The following SIN3A variants were observed in gnomAD, a reference collection of about 807,000 sequenced individuals.
The protein encoded by SIN3A is SIN3 transcription regulator family member A, also known as paired amphipathic helix protein Sin3a.
In SIN3A, 14 loss-of-function variants were observed where a neutral mutation model predicts 146.1. The observed-to-expected ratio is 0.10, with a 90% CI of 0.06 to 0.15. SIN3A has a LOEUF of 0.15. SIN3A is among the 10% of genes least tolerant of loss of function. The pLI is 1.00. For synonymous variants in SIN3A, 572 were observed against 572.0 expected (o/e 1.00, Z 0.00); for missense variants, 1,028 against 1,576.0 (o/e 0.65, Z 5.89).
At chr15:75,381,837 T>C in intron 17 of SIN3A, 132 bp from the exon 18 acceptor site, 1 of 728,220 alleles carries the variant, frequency 1.4e-6, no homozygotes, top group Non-Finnish European at 2.3e-6. Flanking sequence ...AGGAAGATAC[T>C]AGATCTTGGG....
chr15:75,413,928 T>C (rs1383265572), intron 4 of SIN3A, among the ~76,000 whole-genome samples: 1 of 152,128 alleles, frequency 6.6e-6, no homozygotes, highest in African/African-American at 2.4e-5. Context: ...CTAAACCAAT[T>C]CAGAAACCAA....
At chr15:75,437,444 G>C (rs977734729) in intron 1 of SIN3A, among the ~76,000 whole-genome samples, 1 of 152,188 alleles carries the variant, frequency 6.6e-6, no homozygotes, top group East Asian at 1.9e-4. Flanking sequence ...TGAGATTATA[G>C]GCATGAGCCA....
At chr15:75,398,948 G>A (rs930259743) in intron 12 of SIN3A, among the ~76,000 whole-genome samples, 1 of 151,250 alleles carries the variant, frequency 6.6e-6, no homozygotes, top group African/African-American at 2.4e-5. Flanking sequence ...ATGATGAGTT[G>A]ATAGGTGCAG....
At chr15:75,431,058 G>A (rs1030737184) in intron 1 of SIN3A, among the ~76,000 whole-genome samples, 3 of 152,142 alleles carry the variant, frequency 2.0e-5, no homozygotes, top group African/African-American at 7.2e-5. Flanking sequence ...TTACAGGCGT[G>A]AGCCACCGCG....
chr15:75,396,315 T>C lies in SIN3A; in HGVS notation c.2036A>G (p.Asp679Gly). 6.2e-7 allele frequency: 1 copy of C among 1,614,202 alleles called. No homozygotes were observed. Among genetic ancestry groups the C allele is most frequent in the Non-Finnish European group, 8.5e-7 (1 of 1,180,018 alleles). The change falls in exon 13 of 21, where the codon GAC becomes GGC. Residue 679 changes from aspartate (D) to glycine (G), a missense_variant. Coordinates refer to ENST00000394947, the MANE Select transcript of SIN3A (RefSeq NM_001145358.2). Reference sequence around the variant, plus strand: ...ATTCTTTCTCAGACCATCAATGATGTCAGCTGCTTTATCAGCATATATCCT... The same window carrying C: ...ATTCTTTCTCAGACCATCAATGATGCCAGCTGCTTTATCAGCATATATCCT... ...LQRIYADKAADIIDGLRKNPS... is the reference protein window; with the variant it reads ...LQRIYADKAAGIIDGLRKNPS...
chr15:75,410,120 T>G lies in SIN3A; in HGVS notation c.1161+14A>C. On this transcript the variant is annotated intron_variant, in intron 7 of 20. Coordinates refer to ENST00000394947, the MANE Select transcript of SIN3A (RefSeq NM_001145358.2). The stretch of plus-strand genomic sequence containing the variant: ...ATAATAGTAAATAGTGTAATTCTTA[T>G]TAAAAAAACATACCACGGAGCTGTT... The G allele has an allele frequency of 6.2e-7, 1 of 1,612,310 alleles. No homozygotes were observed. Among genetic ancestry groups the G allele is most frequent in the Non-Finnish European group, 8.5e-7 (1 of 1,179,080 alleles).
At chr15:75,396,545 G>C in intron 12 of SIN3A, 49 bp from the exon 13 acceptor site, 1 of 1,303,944 alleles carries the variant, frequency 7.7e-7, no homozygotes, top group Non-Finnish European at 1.1e-6. Context: ...AATCAAAATA[G>C]AATAGAGTAG....
At chr15:75,381,880 C>A (rs1321182781) in intron 17 of SIN3A, among the ~76,000 whole-genome samples, 175 bp from the exon 18 acceptor site, 1 of 152,044 alleles carries the variant, frequency 6.6e-6, no homozygotes, top group Non-Finnish European at 1.5e-5. Context: ...TCTACACTTA[C>A]TACAAGTAAA....
At chr15:75,377,912 A>G (rs1480762069) in intron 19 of SIN3A, among the ~76,000 whole-genome samples, 1 of 152,244 alleles carries the variant, frequency 6.6e-6, no homozygotes, top group African/African-American at 2.4e-5. Flanking sequence ...AAGGGAGCCT[A>G]TCACTTCAAG....
At chr15:75,442,983 T>TCACA (rs2074243570) in intron 1 of SIN3A, among the ~76,000 whole-genome samples, 5 of 150,626 alleles carry the variant, frequency 3.3e-5, no homozygotes, top group Admixed American at 3.3e-4. Context: ...TAGGGTACAG[T>TCACA]CACATATGTA....
chr15:75,389,696 T>G lies in SIN3A; in HGVS notation c.2977A>C (p.Ile993Leu). 1 of 1,614,174 alleles carries G rather than the reference T, an allele frequency of 6.2e-7. No individual in the cohort carries two copies. Among genetic ancestry groups the G allele is most frequent in the Non-Finnish European group, 8.5e-7 (1 of 1,180,012 alleles). ...LREMFTIHAY[I>L]AFTMDKLIQS... ...ATCAGTTTGTCCATGGTAAAGGCAA[T>G]GTAGGCATGAATGGTGAACATCTCT... The change falls in exon 16 of 21, where the codon ATT becomes CTT. Residue 993 changes from isoleucine (I) to leucine (L), a missense_variant. Ile to Leu is a conservative substitution (Grantham distance 5). Transcript: ENST00000394947.
At chr15:75,425,829 A>G (rs2073914915) in intron 2 of SIN3A, among the ~76,000 whole-genome samples, 1 of 152,222 alleles carries the variant, frequency 6.6e-6, no homozygotes, top group Non-Finnish European at 1.5e-5. Context: ...TTATACCACA[A>G]TTTAAGAGAG....
In SIN3A at chr15:75,450,326, C is replaced by T. The variant is rs542565181; in HGVS notation, c.-34+1097G>A. On this transcript the variant is annotated intron_variant, in intron 1 of 20. Transcript: ENST00000394947. The stretch of plus-strand genomic sequence containing the variant: ...AGGCTAACTTCGTTTAAAGTCCTAA[C>T]GCACCGAAACAGACGCCAAGTCTAC... Among the ~76,000 whole-genome samples the T allele has an allele frequency of 3.3e-3, 503 of 152,312 alleles. 6 individuals carry two copies. The highest frequency in any genetic ancestry group is 0.011 in the African/African-American group (468 of 41,576).
Position 75,381,156 on chromosome 15 carries a change from A to AC in SIN3A, c.3289-434dup, listed in dbSNP as rs369306465. ...CCACCAAAACAAGTCATCCCACACG[A>AC]CCCCCCCCAACATCATACATATGGC... On this transcript the variant is annotated intron_variant, in intron 18 of 20. Transcript: ENST00000394947. 1,429 of 165,730 alleles carry AC rather than the reference A, an allele frequency of 8.6e-3. 27 individuals are homozygous for AC. Among genetic ancestry groups the AC allele is most frequent in the African/African-American group, 0.033 (1,309 of 39,636 alleles). The allele number at this position is 165,730 out of a possible 1,614,324, so 10.3% of individuals were successfully genotyped here.
At chr15:75,400,179 T>G (rs1488069100) in intron 11 of SIN3A, 23 bp from the exon 12 acceptor site, 4 of 1,375,392 alleles carry the variant, frequency 2.9e-6, no homozygotes, top group African/African-American at 1.4e-5. Context: ...GAAGAGAGAC[T>G]GAAACAAAAG....
At chr15:75,380,427 C>A (rs1200794929) in intron 19 of SIN3A, among the ~76,000 whole-genome samples, 1 of 152,216 alleles carries the variant, frequency 6.6e-6, no homozygotes, top group Non-Finnish European at 1.5e-5. Flanking sequence ...TGATTCTCTA[C>A]AACTCTCACC....
chr15:75,449,466 TTCTC>T (rs1481439834), intron 1 of SIN3A, among the ~76,000 whole-genome samples: 2 of 152,208 alleles, frequency 1.3e-5, no homozygotes, highest in African/African-American at 4.8e-5. Context: ...TTGAAATAAT[TTCTC>T]TCAATAGGAA....
At chr15:75,434,715 G>A (rs955774193) in intron 1 of SIN3A, among the ~76,000 whole-genome samples, 2 of 151,648 alleles carry the variant, frequency 1.3e-5, no homozygotes, top group Non-Finnish European at 1.5e-5. Flanking sequence ...TTGGTTCGCC[G>A]AGGCGAGTGG....
chr15:75,381,407 C>T (rs2072966026), intron 18 of SIN3A, among the ~76,000 whole-genome samples: 1 of 152,194 alleles, frequency 6.6e-6, no homozygotes, highest in African/African-American at 2.4e-5. Flanking sequence ...TTACTAAGTG[C>T]AAGATGAGGT....
Sources: allele counts gnomAD v4.1 joint callset (sites outside exome capture counted in the v4.1 genomes callset), GRCh38; gene constraint gnomAD v4.1.1; transcripts MANE v1.5; gene names NCBI Gene and HGNC (gene_info 2026-07-23, HGNC 2026-07-21).